DMD: variants seen among roughly 807,000 people sequenced by gnomAD.
The protein encoded by DMD is mutant dystrophin.
Under a neutral mutation model 330.1 loss-of-function variants are expected in DMD, and 63 were observed. The ratio of observed to expected loss-of-function variants is 0.19; its 90% CI spans 0.16 to 0.24. The LOEUF is 0.24. Among genes scored for constraint, DMD ranks in the 10% least tolerant of loss-of-function variants. The pLI is 1.00. For missense variants in DMD, 3,344 were observed against 2,684.1 expected (o/e 1.25, Z -5.43); for synonymous variants, 1,223 against 959.8 (o/e 1.27, Z -5.07).
intron 71 of DMD, among the ~76,000 whole-genome samples, chrX:31,176,681 G>A (rs987814239): frequency 1.8e-5 from 2 of 110,882 alleles, no homozygotes; most frequent in Admixed American, 9.6e-5. Flanking sequence ...AGACTACCTG[G>A]GTTAGGAAAC....
chrX:32,651,581 T>C (rs1487747959), intron 9 of DMD, among the ~76,000 whole-genome samples: 1 of 111,880 alleles, frequency 8.9e-6, no homozygotes, highest in African/African-American at 3.3e-5. Context: ...CAAGTCTAAA[T>C]AATGCACGCA....
At chrX:31,190,627 A>T (rs893367880) in intron 67 of DMD, among the ~76,000 whole-genome samples, 1 of 5,064 alleles carries the variant, frequency 2.0e-4, no homozygotes, top group African/African-American at 6.0e-4. Context: ...GAGGGCGGGG[A>T]GGGGGTGCTA....
chrX:32,857,631 A>G (rs763225948), intron 2 of DMD, among the ~76,000 whole-genome samples: 37 of 112,110 alleles, frequency 3.3e-4, no homozygotes, highest in Non-Finnish European at 3.9e-4. Flanking sequence ...GAAAAAATCC[A>G]GGGTAGAAAG....
chrX:32,921,386 T>C (rs191809724), intron 2 of DMD, among the ~76,000 whole-genome samples: 2 of 112,155 alleles, frequency 1.8e-5, no homozygotes, highest in African/African-American at 6.5e-5. Context: ...TCCTCATTCC[T>C]GAGTAGATAA....
intron 51 of DMD, among the ~76,000 whole-genome samples, chrX:31,738,625 C>G (rs1485564135): frequency 8.9e-6 from 1 of 111,972 alleles, no homozygotes; most frequent in Non-Finnish European, 1.9e-5. Context: ...ATCTGCACTC[C>G]CATGTTTATT....
At chrX:32,839,310 C>CA (rs1174946641) in intron 4 of DMD, among the ~76,000 whole-genome samples, 2 of 111,642 alleles carry the variant, frequency 1.8e-5, no homozygotes, top group Non-Finnish European at 3.8e-5. Flanking sequence ...TTCCAAGGCT[C>CA]ACTCCCTTTC....
chrX:33,293,464 T>C (rs372405315), intron 1 of DMD, among the ~76,000 whole-genome samples: 2 of 111,400 alleles, frequency 1.8e-5, no homozygotes, highest in South Asian at 7.5e-4. Flanking sequence ...CTATTCAAGC[T>C]CCAATCATCA....
chrX:32,879,718 G>C (rs1266240116), intron 2 of DMD, among the ~76,000 whole-genome samples: 4 of 111,391 alleles, frequency 3.6e-5, no homozygotes, highest in African/African-American at 1.3e-4. Context: ...CAACAGGCTG[G>C]GTGAGTGGTA....
intron 11 of DMD, among the ~76,000 whole-genome samples, chrX:32,639,618 C>T (rs1037588930): frequency 5.4e-5 from 6 of 111,325 alleles, no homozygotes; most frequent in African/African-American, 2.0e-4. Flanking sequence ...AAATTTATGT[C>T]CATAAAAGCA....
chrX:33,118,177 C>G (rs1343450144), intron 1 of DMD, among the ~76,000 whole-genome samples: 1 of 101,419 alleles, frequency 9.9e-6, no homozygotes, highest in African/African-American at 3.6e-5. Context: ...GTGGCGCGAT[C>G]TCGGCTCACT....
chrX:31,355,566 T>C (rs1409004531), intron 60 of DMD, among the ~76,000 whole-genome samples: 5 of 111,809 alleles, frequency 4.5e-5, no homozygotes, highest in Non-Finnish European at 7.5e-5. Flanking sequence ...TGCTAGTAAA[T>C]AAACCACACA....
At chrX:32,583,204 A>G (rs1601879619) in intron 13 of DMD, among the ~76,000 whole-genome samples, 1 of 111,909 alleles carries the variant, frequency 8.9e-6, no homozygotes, top group East Asian at 2.8e-4. Flanking sequence ...TTACAATATT[A>G]CCAGATACAG....
intron 44 of DMD, among the ~76,000 whole-genome samples, chrX:32,026,518 A>G (rs2095846710): frequency 8.9e-6 from 1 of 112,560 alleles, no homozygotes; most frequent in Admixed American, 9.4e-5. Context: ...AAAAACATAT[A>G]TAGAGAATTG....
intron 29 of DMD, among the ~76,000 whole-genome samples, chrX:32,426,572 A>T (rs1346435354): frequency 2.7e-5 from 3 of 111,579 alleles, no homozygotes; most frequent in Admixed American, 9.5e-5. Context: ...GCAGTTTGGC[A>T]GAGCTAAAAA....
intron 11 of DMD, among the ~76,000 whole-genome samples, chrX:32,618,531 G>T (rs182897533): frequency 9.0e-6 from 1 of 110,940 alleles, no homozygotes; most frequent in East Asian, 2.8e-4. Flanking sequence ...GTGGCAGAAG[G>T]AAAGAATTAG....
At chrX:32,734,512 T>A (rs1209813872) in intron 7 of DMD, among the ~76,000 whole-genome samples, 2 of 106,999 alleles carry the variant, frequency 1.9e-5, no homozygotes. Context: ...GCAAAAATCC[T>A]CAATAAAATA....
At chrX:33,271,123 A>G (rs1485320479) in intron 1 of DMD, among the ~76,000 whole-genome samples, 3 of 111,621 alleles carry the variant, frequency 2.7e-5, no homozygotes, top group East Asian at 2.8e-4. Context: ...ACTGTATAGC[A>G]TTTGTATCTA....
chrX:32,424,824 A>G (rs759154197), intron 29 of DMD, among the ~76,000 whole-genome samples: 6 of 110,786 alleles, frequency 5.4e-5, no homozygotes, highest in Non-Finnish European at 9.5e-5. Context: ...TGAAATTCAC[A>G]TTTGACATAC....
intron 60 of DMD, among the ~76,000 whole-genome samples, chrX:31,398,147 C>T (rs951958478): frequency 5.3e-5 from 6 of 112,280 alleles, no homozygotes; most frequent in Admixed American, 3.8e-4. Context: ...AAAAGCACTA[C>T]TGTATTATTT....
Sources: gnomAD v4.1 joint callset for allele counts (sites outside exome capture counted in the v4.1 genomes callset) on GRCh38, gnomAD v4.1.1 for gene constraint, MANE v1.5 for transcripts, NCBI Gene and HGNC (gene_info 2026-07-23, HGNC 2026-07-21) for gene names.